Variants in TMEM232 observed in about 807,000 individuals in gnomAD.
TMEM232 encodes the protein transmembrane protein 232.
Under a neutral mutation model 78.8 loss-of-function variants are expected in TMEM232, and 80 were observed. The observed-to-expected ratio is 1.01, with a 90% CI of 0.85 to 1.22. The LOEUF (loss-of-function observed/expected upper bound fraction) is 1.22. Among genes scored for constraint, TMEM232 ranks in the 50% most tolerant of loss-of-function variants. The probability of loss-of-function intolerance (pLI) is 0.00; values close to 1 mark genes in which losing one functional copy is unlikely to be tolerated. For missense variants in TMEM232, 881 were observed against 742.2 expected, an observed-to-expected ratio of 1.19 and a Z score of -2.17; for synonymous variants, 297 against 254.3, an observed-to-expected ratio of 1.17 and a Z score of -1.60.
chr5:110,659,348 T>G lies in TMEM232; in HGVS notation c.125+7880A>C, dbSNP rs186065721. On this transcript the variant is annotated intron_variant, in intron 2 of 13. Transcript: ENST00000455884. ...ATGGAAAAGAAAAAAGAACTATTACTGAGAAGATTGGTCCCAACCCAGATT... is the reference window on the plus strand; with the variant it reads ...ATGGAAAAGAAAAAAGAACTATTACGGAGAAGATTGGTCCCAACCCAGATT... 1.8e-3 allele frequency among the ~76,000 whole-genome samples: 270 copies of G among 152,196 alleles called. 1 individual carries two copies. Among genetic ancestry groups the G allele is most frequent in the Non-Finnish European group, 3.0e-3 (202 of 68,004 alleles).
At chr5:110,679,238 A>G (rs530963122) in intron 1 of TMEM232, among the ~76,000 whole-genome samples, 2 of 152,198 alleles carry the variant, frequency 1.3e-5, no homozygotes, top group East Asian at 3.9e-4. Context: ...TGTGTGTAGT[A>G]TCTCATTATT....
At chr5:110,736,195 AT>A in intron 1 of TMEM232, among the ~76,000 whole-genome samples, 1 of 152,348 alleles carries the variant, frequency 6.6e-6, no homozygotes, top group Non-Finnish European at 1.5e-5. Flanking sequence ...ACTCTGGACG[AT>A]TTCAGCATAA....
intron 12 of TMEM232, among the ~76,000 whole-genome samples, chr5:110,490,449 A>T (rs768162081): frequency 7.2e-5 from 11 of 152,174 alleles, no homozygotes; most frequent in Non-Finnish European, 1.6e-4. Flanking sequence ...GAATTAATCA[A>T]CCTATTCCAC....
intron 12 of TMEM232, among the ~76,000 whole-genome samples, chr5:110,511,266 G>A (rs532458082): frequency 6.6e-6 from 1 of 152,076 alleles, no homozygotes; most frequent in East Asian, 1.9e-4. Context: ...GGCACAGGGA[G>A]GGGAACACCA....
intron 12 of TMEM232, among the ~76,000 whole-genome samples, chr5:110,454,866 AAAC>A (rs1181482444): frequency 6.6e-6 from 1 of 152,000 alleles, no homozygotes; most frequent in Non-Finnish European, 1.5e-5. Context: ...AAAGTGAAAA[AAAC>A]AATAGAGTAA....
At chr5:110,698,972 ACTAAGGAT>A (rs1261891724) in intron 1 of TMEM232, among the ~76,000 whole-genome samples, 2 of 152,108 alleles carry the variant, frequency 1.3e-5, no homozygotes, top group African/African-American at 4.8e-5. Flanking sequence ...TTCTTAGGTA[ACTAAGGAT>A]CTCTTAGAGG....
intron 1 of TMEM232, among the ~76,000 whole-genome samples, chr5:110,720,033 T>C (rs1472468655): frequency 6.6e-6 from 1 of 152,200 alleles, no homozygotes; most frequent in Non-Finnish European, 1.5e-5. Context: ...CTTGTTGCTC[T>C]TAATTTAGAG....
chr5:110,592,593 G>T (rs1226071831), intron 10 of TMEM232, among the ~76,000 whole-genome samples: 3 of 152,162 alleles, frequency 2.0e-5, no homozygotes, highest in South Asian at 4.1e-4. Flanking sequence ...TAAAATATGG[G>T]TTATTCATTT....
chr5:110,642,406 G>A, intron 2 of TMEM232, 35 bp from the exon 3 acceptor site: 1 of 1,419,588 alleles, frequency 7.0e-7, no homozygotes, highest in Non-Finnish European at 9.4e-7. Context: ...CATTTAAAAA[G>A]TATAGCTATC....
chr5:110,403,151 A>G (rs541592103), intron 2 of TMEM232, among the ~76,000 whole-genome samples: 1 of 152,198 alleles, frequency 6.6e-6, no homozygotes, highest in South Asian at 2.1e-4. Context: ...TCAAGGCCCT[A>G]ATATGAATAG....
chr5:110,704,350 A>T (rs183880823), intron 1 of TMEM232, among the ~76,000 whole-genome samples: 111 of 152,158 alleles, frequency 7.3e-4, no homozygotes, highest in African/African-American at 2.6e-3. Context: ...AAACTCCAAC[A>T]CCTGAATGGA....
At chr5:110,656,388 C>T (rs1580531979) in intron 2 of TMEM232, among the ~76,000 whole-genome samples, 1 of 152,124 alleles carries the variant, frequency 6.6e-6, no homozygotes, top group Non-Finnish European at 1.5e-5. Context: ...CACAACACAG[C>T]CTTATATCCT....
At chr5:110,656,644 C>T (rs566171356) in intron 2 of TMEM232, among the ~76,000 whole-genome samples, 2 of 152,128 alleles carry the variant, frequency 1.3e-5, no homozygotes, top group South Asian at 4.2e-4. Flanking sequence ...TCGAGACCAT[C>T]CTGGCTAACA....
chr5:110,542,241 AT>A (rs554268246), intron 11 of TMEM232, among the ~76,000 whole-genome samples: 3 of 152,026 alleles, frequency 2.0e-5, no homozygotes, highest in South Asian at 2.1e-4. Context: ...AATAGTAGCC[AT>A]TTTTTTTGTA....
intron 12 of TMEM232, among the ~76,000 whole-genome samples, chr5:110,455,900 T>C (rs1277227166): frequency 6.6e-6 from 1 of 152,200 alleles, no homozygotes; most frequent in Admixed American, 6.5e-5. Context: ...AAATTCAATA[T>C]TCATTCATAA....
intron 11 of TMEM232, among the ~76,000 whole-genome samples, chr5:110,548,337 A>G (rs1358726884): frequency 1.3e-5 from 2 of 149,402 alleles, no homozygotes; most frequent in Non-Finnish European, 3.0e-5. Flanking sequence ...AATATTAAAT[A>G]TTATTAATCA....
At chr5:110,637,208 GA>G (rs886601879) in intron 5 of TMEM232, among the ~76,000 whole-genome samples, 1 of 150,198 alleles carries the variant, frequency 6.7e-6, no homozygotes, top group African/African-American at 2.4e-5. Context: ...TACAGAAAAA[GA>G]AAAAAAATCA....
At chr5:110,422,326 T>C (rs933884161) in intron 13 of TMEM232, among the ~76,000 whole-genome samples, 6 of 151,612 alleles carry the variant, frequency 4.0e-5, no homozygotes, top group Non-Finnish European at 7.4e-5. Context: ...CCATCCTGGC[T>C]AACACGGTGA....
rs898121663 is a variant in TMEM232, at chr5:110,644,397, G to T, written c.126-2026C>A. On this transcript the variant is annotated intron_variant, in intron 2 of 13. Transcript: ENST00000455884. ...TTAGGAATTATGTTTTTAAAAATAT[G>T]AAAATAACAGTGCTGTTTTTAATAA... 8.6e-5 allele frequency among the ~76,000 whole-genome samples: 13 copies of T among 151,936 alleles called. 2 individuals carry two copies. Among genetic ancestry groups the T allele is most frequent in the East Asian group, 5.8e-4 (3 of 5,180 alleles).
Sources: gnomAD v4.1 joint callset for allele counts (sites outside exome capture counted in the v4.1 genomes callset) on GRCh38, gnomAD v4.1.1 for gene constraint, MANE v1.5 for transcripts, NCBI Gene and HGNC (gene_info 2026-07-23, HGNC 2026-07-21) for gene names.